The following KCNMB2 variants were observed in gnomAD, a reference collection of about 807,000 sequenced individuals.
The protein encoded by KCNMB2 is potassium calcium-activated channel subfamily M regulatory beta subunit 2.
KCNMB2 carries 9 observed loss-of-function variants against 24.5 expected under a neutral mutation model. The ratio of observed to expected loss-of-function variants is 0.37; its 90% CI spans 0.22 to 0.64. The LOEUF (loss-of-function observed/expected upper bound fraction) is 0.64, where lower values mean the gene tolerates loss of function less well. KCNMB2 is among the 30% of genes least tolerant of loss of function. The pLI, the probability that KCNMB2 is intolerant of heterozygous loss-of-function variation, is 0.63. For synonymous variants in KCNMB2, 109 were observed against 104.4 expected, an observed-to-expected ratio of 1.04 and a Z score of -0.27; for missense variants, 226 against 284.3, an observed-to-expected ratio of 0.79 and a Z score of 1.47.
intron 2 of KCNMB2, among the ~76,000 whole-genome samples, chr3:178,815,150 G>A (rs1432619055): frequency 6.6e-6 from 1 of 151,756 alleles, no homozygotes; most frequent in African/African-American, 2.4e-5. Context: ...GTTTTGTTTT[G>A]TTTTTTGCAA....
At chr3:178,759,372 GATATAT>G (rs1222364329) in intron 1 of KCNMB2, among the ~76,000 whole-genome samples, 3 of 17,776 alleles carry the variant, frequency 1.7e-4, no homozygotes, top group African/African-American at 8.6e-4. Context: ...TCTCCAAGAG[GATATAT>G]ATATATATAT....
Position 178,807,274 on chromosome 3 carries a change from G to C in KCNMB2, c.-67-69G>C, listed in dbSNP as rs367571038. 6.5e-6 allele frequency: 4 copies of C among 618,736 alleles called. No homozygotes were observed. The South Asian group carries it at 9.3e-5, about 14-fold the overall frequency. 38.3% of individuals were successfully genotyped at this position (618,736 alleles called of 1,614,324 possible). On this transcript the variant is annotated intron_variant, in intron 1 of 4. Transcript: ENST00000452583. ...ACTGCCCCTATGGAATCAAAACCCT[G>C]TTGTTATGTAAGAGTCAATCCACTG...
At chr3:178,689,089 G>A (rs916399464) in intron 1 of KCNMB2, among the ~76,000 whole-genome samples, 1 of 152,072 alleles carries the variant, frequency 6.6e-6, no homozygotes, top group Non-Finnish European at 1.5e-5. Context: ...AACAAAGTTA[G>A]CATTCAGAAA....
chr3:178,783,778 C>A (rs958022681), intron 1 of KCNMB2, among the ~76,000 whole-genome samples: 1 of 152,066 alleles, frequency 6.6e-6, no homozygotes, highest in South Asian at 2.1e-4. Flanking sequence ...ATTGAATACC[C>A]TTTATTTCCT....
At chr3:178,729,515 C>T (rs1723074444) in intron 1 of KCNMB2, 1 of 152,146 alleles carries the variant, frequency 6.6e-6, no homozygotes, top group Non-Finnish European at 1.5e-5. Context: ...AATTCTGTTT[C>T]TAGGTTCCTG....
chr3:178,636,457 G>A (rs1719526592), intron 1 of KCNMB2, among the ~76,000 whole-genome samples: 1 of 152,038 alleles, frequency 6.6e-6, no homozygotes. Flanking sequence ...CAACTTAGAT[G>A]AATTATGTTT....
chr3:178,818,470 T>C (rs534178331), intron 2 of KCNMB2, among the ~76,000 whole-genome samples: 5 of 152,302 alleles, frequency 3.3e-5, no homozygotes, highest in Admixed American at 6.5e-5. Context: ...TTCCCCTCCC[T>C]GTGTCCACGT....
chr3:178,783,908 A>C lies in KCNMB2; in HGVS notation c.-67-23435A>C, dbSNP rs554453119. On this transcript the variant is annotated intron_variant, in intron 1 of 4. Transcript: ENST00000452583. ...GAATGCTTCCAGTTTTTGTCCATTC[A>C]GTATGATATTGGCTGTGGGTTTGTC... is the stretch of plus-strand genomic sequence containing the variant. Among the ~76,000 whole-genome samples, 112 of 152,334 alleles carry C rather than the reference A, an allele frequency of 7.4e-4. 2 individuals are homozygous for C. The highest frequency in any genetic ancestry group is 2.3e-3 in the African/African-American group (96 of 41,572).
At chr3:178,805,219 C>T (rs7371935) in intron 1 of KCNMB2, among the ~76,000 whole-genome samples, 73,759 of 152,030 alleles carry the variant, frequency 0.49, 19,035 homozygotes, top group African/African-American at 0.68. Flanking sequence ...TCTCTGTTCC[C>T]CATAGCTCTG....
intron 1 of KCNMB2, among the ~76,000 whole-genome samples, chr3:178,685,643 T>C (rs1181121611): frequency 6.6e-6 from 1 of 152,242 alleles, no homozygotes; most frequent in Non-Finnish European, 1.5e-5. Flanking sequence ...TGAAGGGCTA[T>C]GCACGTGGGA....
chr3:178,639,998 T>A (rs1719666122), intron 1 of KCNMB2, among the ~76,000 whole-genome samples: 2 of 152,212 alleles, frequency 1.3e-5, no homozygotes, highest in South Asian at 4.1e-4. Context: ...TATGTATGTG[T>A]CTAGTACAAT....
At chr3:178,691,105 G>GTTTTTTTTTTTTT (rs1310077931) in intron 1 of KCNMB2, among the ~76,000 whole-genome samples, 1 of 32,958 alleles carries the variant, frequency 3.0e-5, no homozygotes, top group African/African-American at 2.3e-4. Flanking sequence ...TCCCCATTAA[G>GTTTTTTTTTTTTT]TCTTTTTTTT....
At chr3:178,779,811 C>T (rs1467473392) in intron 1 of KCNMB2, among the ~76,000 whole-genome samples, 4 of 152,098 alleles carry the variant, frequency 2.6e-5, no homozygotes, top group African/African-American at 7.2e-5. Context: ...GGTCTCAGTA[C>T]ATTAACCCAT....
chr3:178,725,443 A>G (rs1289448914), intron 1 of KCNMB2, among the ~76,000 whole-genome samples: 1 of 152,120 alleles, frequency 6.6e-6, no homozygotes, highest in African/African-American at 2.4e-5. Context: ...TTCTATATCT[A>G]GGAAACCCTA....
At chr3:178,717,859 CAG>C (rs1160156570) in intron 1 of KCNMB2, among the ~76,000 whole-genome samples, 2 of 149,622 alleles carry the variant, frequency 1.3e-5, no homozygotes, top group Non-Finnish European at 3.0e-5. Context: ...GAAGGAAGAA[CAG>C]AGTCAGAATT....
chr3:178,689,592 C>T (rs1367958285), intron 1 of KCNMB2, among the ~76,000 whole-genome samples: 1 of 152,150 alleles, frequency 6.6e-6, no homozygotes, highest in African/African-American at 2.4e-5. Context: ...GCTGAAATTG[C>T]ACCACTGCAC....
chr3:178,732,696 A>G (rs1011556922), intron 1 of KCNMB2, among the ~76,000 whole-genome samples: 15 of 152,252 alleles, frequency 9.9e-5, no homozygotes, highest in African/African-American at 3.4e-4. Flanking sequence ...TAATGAATCA[A>G]TAATGTATAT....
chr3:178,843,567 T>C lies in KCNMB2; in HGVS notation c.*630T>C, dbSNP rs1431556350. 10 of 176,878 alleles carry C rather than the reference T, an allele frequency of 5.7e-5. No individual in the cohort carries two copies. In the South Asian group the frequency reaches 8.8e-4, roughly 16 times the overall value. The allele number at this position is 176,878 out of a possible 1,614,324, so 11.0% of individuals were successfully genotyped here. A position where few individuals can be genotyped will look rare whatever the true frequency, so the allele number is the denominator to read the frequency against. ...AAGCTGTTTTCATTAGCCAGTTCTATAATATCTTCCTGTGATTTATGTAGA... is the reference window on the plus strand; with the variant it reads ...AAGCTGTTTTCATTAGCCAGTTCTACAATATCTTCCTGTGATTTATGTAGA... On this transcript the variant is annotated 3_prime_UTR_variant, in exon 5 of 5. Transcript: ENST00000452583.
chr3:178,538,627 T>C (rs901409269), intron 1 of KCNMB2, among the ~76,000 whole-genome samples: 13 of 152,246 alleles, frequency 8.5e-5, no homozygotes, highest in Admixed American at 8.5e-4. Flanking sequence ...TATTTTGCTA[T>C]GGTTATGCTC....
Sources: gnomAD v4.1 joint callset for allele counts (sites outside exome capture counted in the v4.1 genomes callset) on GRCh38, gnomAD v4.1.1 for gene constraint, MANE v1.5 for transcripts, NCBI Gene and HGNC (gene_info 2026-07-23, HGNC 2026-07-21) for gene names.